The following INTU variants were observed in gnomAD, a reference collection of about 807,000 sequenced individuals.
INTU encodes the protein inturned planar cell polarity protein.
INTU carries 68 observed loss-of-function variants against 100.5 expected under a neutral mutation model. The ratio of observed to expected loss-of-function variants is 0.68; its 90% CI spans 0.56 to 0.83. The LOEUF (loss-of-function observed/expected upper bound fraction) is 0.83, where lower values mean the gene tolerates loss of function less well. INTU is among the 40% of genes least tolerant of loss of function. The probability of loss-of-function intolerance (pLI) is 0.00; values close to 1 mark genes in which losing one functional copy is unlikely to be tolerated. For synonymous variants in INTU, 357 were observed against 395.7 expected (o/e 0.90, Z 1.16); for missense variants, 1,071 against 1,114.7 (o/e 0.96, Z 0.56).
intron 6 of INTU, 86 bp from the exon 7 acceptor site, chr4:127,684,323 T>G (rs1327200170): frequency 8.1e-6 from 6 of 742,140 alleles, no homozygotes; most frequent in African/African-American, 3.5e-5. Context: ...ATTCCGTATG[T>G]GTAAAATTCA....
At chr4:127,653,006 C>T (rs1384706237) in intron 2 of INTU, among the ~76,000 whole-genome samples, 6 of 151,238 alleles carry the variant, frequency 4.0e-5, no homozygotes, top group African/African-American at 9.8e-5. Flanking sequence ...AGTTTATTTG[C>T]GTAGAGGTGT....
At chr4:127,688,971 C>CTTTTTTTTTTTTTTTTTT (rs763570146) in intron 8 of INTU, among the ~76,000 whole-genome samples, 11 of 88,008 alleles carry the variant, frequency 1.2e-4, no homozygotes, top group Non-Finnish European at 2.4e-4. Context: ...TTCTTTCTTT[C>CTTTTTTTTTTTTTTTTTT]TTTTTTTTTT....
In INTU at chr4:127,717,435, GCTT is replaced by G. The variant is rs1263142638; in HGVS notation, c.*1001_*1003del. The G allele has an allele frequency of 2.0e-5, 3 of 152,160 alleles. No individual in the cohort carries two copies. Among genetic ancestry groups the G allele is most frequent in the Non-Finnish European group, 4.4e-5 (3 of 68,028 alleles). 9.4% of individuals were successfully genotyped at this position (152,160 alleles called of 1,614,324 possible). A position where few individuals can be genotyped will look rare whatever the true frequency, so the allele number is the denominator to read the frequency against. On this transcript the variant is annotated 3_prime_UTR_variant, in exon 16 of 16. Transcript: ENST00000335251. The stretch of plus-strand genomic sequence containing the variant: ...CCATGTCTTTGCTATTGTAAATAGT[GCTT>G]CAATGAACATATGTGTGCATATATA...
intron 6 of INTU, among the ~76,000 whole-genome samples, chr4:127,683,612 C>A (rs1033102989): frequency 6.6e-6 from 1 of 152,094 alleles, no homozygotes; most frequent in African/African-American, 2.4e-5. Flanking sequence ...AAAGTGCTGT[C>A]CCACAGAATT....
Position 127,724,648 on chromosome 4 carries a change from A to G in INTU, c.*8212A>G, listed in dbSNP as rs1731392478. ...TGACATTTACCCTGTAGATCCTCCTAGAGGTTCGATGCCCCCAAGACATTC... is the reference window on the plus strand; with the variant it reads ...TGACATTTACCCTGTAGATCCTCCTGGAGGTTCGATGCCCCCAAGACATTC... On this transcript the variant is annotated 3_prime_UTR_variant, in exon 16 of 16. Transcript: ENST00000335251. 6.6e-6 allele frequency: 1 copy of G among 152,176 alleles called. No individual in the cohort carries two copies. Among genetic ancestry groups the G allele is most frequent in the South Asian group, 2.1e-4 (1 of 4,824 alleles). 9.4% of individuals were successfully genotyped at this position (152,176 alleles called of 1,614,324 possible). A position where few individuals can be genotyped will look rare whatever the true frequency, so the allele number is the denominator to read the frequency against.
rs1233806483 is a variant in INTU at position 127,716,556 on chromosome 4, ATAT to A, written c.*122_*124del. On this transcript the variant is annotated 3_prime_UTR_variant, in exon 16 of 16. Coordinates refer to ENST00000335251, the MANE Select transcript of INTU (RefSeq NM_015693.4). ...TTTTTACTATTCAATATTGAACATA[ATAT>A]TGTTAAATATTGAGATGAAATGCTG... 20 of 403,632 alleles carry A rather than the reference ATAT, an allele frequency of 5.0e-5. No individual in the cohort carries two copies. In the Middle Eastern group the frequency reaches 1.1e-3, roughly 22 times the overall value. 25.0% of individuals were successfully genotyped at this position (403,632 alleles called of 1,614,324 possible). A position where few individuals can be genotyped will look rare whatever the true frequency, so the allele number is the denominator to read the frequency against.
At chr4:127,682,779 G>A (rs995817387) in intron 6 of INTU, among the ~76,000 whole-genome samples, 1 of 151,628 alleles carries the variant, frequency 6.6e-6, no homozygotes, top group Admixed American at 6.6e-5. Context: ...ATAAATAAAA[G>A]AAAAGAAATA....
chr4:127,638,976 C>T (rs1727193021), intron 1 of INTU, among the ~76,000 whole-genome samples: 1 of 152,022 alleles, frequency 6.6e-6, no homozygotes, highest in African/African-American at 2.4e-5. Flanking sequence ...TAATTCCTTC[C>T]ATTAATTTTC....
Position 127,721,068 on chromosome 4 carries a change from T to G in INTU, c.*4632T>G. 1 of 152,236 alleles carries G rather than the reference T, an allele frequency of 6.6e-6. No individual in the cohort carries two copies. The highest frequency in any genetic ancestry group is 1.9e-4 in the East Asian group (1 of 5,200). 9.4% of individuals were successfully genotyped at this position (152,236 alleles called of 1,614,324 possible). On this transcript the variant is annotated 3_prime_UTR_variant, in exon 16 of 16. Transcript: ENST00000335251. The stretch of plus-strand genomic sequence containing the variant: ...TTATGTTTTTGCTTCATAGTGTTAC[T>G]GATCTGTGTATTTCAATGTGTTTTT...
chr4:127,708,616 A>T lies in INTU; in HGVS notation c.2317A>T (p.Asn773Tyr). The change falls in exon 13 of 16, where the codon AAC becomes TAC. Residue 773 changes from asparagine (N) to tyrosine (Y), a missense_variant. Coordinates refer to ENST00000335251, the MANE Select transcript of INTU (RefSeq NM_015693.4). ...TCTTCCAAATCCATTTCATTTGGGA[A>T]ACTTGAAAAAGGACCTTCCAGAAAA... ...STLPNPFHLG[N>Y]LKKDLPEKEL... 1 of 1,600,316 alleles carries T rather than the reference A, an allele frequency of 6.2e-7. No homozygotes were observed. The highest frequency in any genetic ancestry group is 1.1e-5 in the South Asian group (1 of 90,156).
chr4:127,690,152 T>C (rs1298229845), intron 8 of INTU, among the ~76,000 whole-genome samples: 1 of 152,230 alleles, frequency 6.6e-6, no homozygotes, highest in Admixed American at 6.5e-5. Context: ...TCTAAAGTAT[T>C]GTCTATTTGG....
At chr4:127,688,971 C>CTT (rs763570146) in intron 8 of INTU, among the ~76,000 whole-genome samples, 86 of 88,010 alleles carry the variant, frequency 9.8e-4, no homozygotes, top group African/African-American at 1.8e-3. Flanking sequence ...TTCTTTCTTT[C>CTT]TTTTTTTTTT....
At chr4:127,673,046 A>T (rs1242819919) in intron 5 of INTU, among the ~76,000 whole-genome samples, 1 of 152,202 alleles carries the variant, frequency 6.6e-6, no homozygotes, top group African/African-American at 2.4e-5. Context: ...CATTTTGGTT[A>T]CTTGTTTATA....
intron 4 of INTU, among the ~76,000 whole-genome samples, chr4:127,664,437 T>C (rs948321768): frequency 2.6e-5 from 4 of 152,052 alleles, no homozygotes; most frequent in Admixed American, 2.6e-4. Context: ...CTGCTTTGCC[T>C]ATTCATAATT....
chr4:127,654,620 G>A, intron 2 of INTU, among the ~76,000 whole-genome samples: 1 of 151,694 alleles, frequency 6.6e-6, no homozygotes, highest in Non-Finnish European at 1.5e-5. Context: ...TTCCCTTTGA[G>A]GGTAACCCGA....
chr4:127,673,768 T>A (rs1268121653), intron 5 of INTU, among the ~76,000 whole-genome samples: 1 of 151,956 alleles, frequency 6.6e-6, no homozygotes, highest in Non-Finnish European at 1.5e-5. Context: ...GGCTATCTTT[T>A]GTAATTTTAG....
rs542321617 is a variant in INTU, at chr4:127,649,720, T to C, written c.682+5664T>C. On this transcript the variant is annotated intron_variant, in intron 2 of 15. Transcript: ENST00000335251. ...TATTATCCATCTTCCCCAAAGAATA[T>C]TAAGCTCCCTGAGAGTAGAGATTTT... Among the ~76,000 whole-genome samples the C allele has an allele frequency of 1.6e-4, 24 of 152,304 alleles. No individual in the cohort carries two copies. In the South Asian group the frequency reaches 5.0e-3, roughly 32 times the overall value.
At chr4:127,708,716 A>G in intron 13 of INTU, 48 bp downstream of exon 13, 2 of 913,820 alleles carry the variant, frequency 2.2e-6, no homozygotes, top group Non-Finnish European at 3.4e-6. Flanking sequence ...GAAGTTTTAC[A>G]GTGAGAAAGT....
At chr4:127,646,055 A>G (rs767952517) in intron 2 of INTU, among the ~76,000 whole-genome samples, 1 of 151,922 alleles carries the variant, frequency 6.6e-6, no homozygotes, top group Admixed American at 6.6e-5. Context: ...CTTGTGGTGC[A>G]TGCCTGTAAT....
Sources: allele counts gnomAD v4.1 joint callset (sites outside exome capture counted in the v4.1 genomes callset), GRCh38; gene constraint gnomAD v4.1.1; transcripts MANE v1.5; gene names NCBI Gene and HGNC (gene_info 2026-07-23, HGNC 2026-07-21).